TMEM131: variants seen among roughly 807,000 people sequenced by gnomAD.
TMEM131 encodes the protein 2610524E03Rik.
Under a neutral mutation model 211.6 loss-of-function variants are expected in TMEM131, and 66 were observed. The ratio of observed to expected loss-of-function variants is 0.31; its 90% CI spans 0.26 to 0.38. TMEM131 has a LOEUF of 0.38. Ranked by LOEUF, TMEM131 falls within the 10% of genes least tolerant of loss-of-function variation. The pLI, the probability that TMEM131 is intolerant of heterozygous loss-of-function variation, is 1.00. For missense variants in TMEM131, 2,036 were observed against 2,299.3 expected (o/e 0.89, Z 2.34); for synonymous variants, 844 against 841.3 (o/e 1.00, Z -0.06).
intron 4 of TMEM131, among the ~76,000 whole-genome samples, chr2:97,881,720 AAAAG>A: frequency 1.2e-5 from 1 of 80,780 alleles, no homozygotes; most frequent in Non-Finnish European, 2.2e-5. Flanking sequence ...AAAAAAAAAA[AAAAG>A]GGGGGGGGGC....
intron 2 of TMEM131, among the ~76,000 whole-genome samples, chr2:97,915,884 G>A (rs957971735): frequency 3.0e-4 from 45 of 151,732 alleles, no homozygotes; most frequent in Admixed American, 2.4e-3. Context: ...AGTATTCTGT[G>A]GTATTCTTTA....
chr2:97,848,129 G>C (rs1026163944), intron 5 of TMEM131, among the ~76,000 whole-genome samples: 12 of 152,146 alleles, frequency 7.9e-5, no homozygotes, highest in African/African-American at 2.4e-4. Context: ...AGAACATAGT[G>C]AAGAGTCCAA....
chr2:97,800,773 AAAAG>A (rs1222818465), intron 25 of TMEM131, among the ~76,000 whole-genome samples: 1 of 152,040 alleles, frequency 6.6e-6, no homozygotes, highest in Non-Finnish European at 1.5e-5. Flanking sequence ...AAAAAAAAGA[AAAAG>A]AAAAGCAGAA....
chr2:97,763,052 C>T (rs1365039881), intron 35 of TMEM131: 4 of 152,174 alleles, frequency 2.6e-5, no homozygotes, highest in Non-Finnish European at 2.9e-5. Context: ...GCACGATCCC[C>T]AGCCCAGGCC....
chr2:97,758,774 C>T, intron 40 of TMEM131, 119 bp downstream of exon 40: 1 of 1,322,502 alleles, frequency 7.6e-7, no homozygotes, highest in African/African-American at 1.5e-5. Context: ...TACTAACCCA[C>T]CCCTCTGATG....
chr2:97,805,044 C>A, intron 22 of TMEM131, 44 bp downstream of exon 22: 1 of 1,307,906 alleles, frequency 7.6e-7, no homozygotes, highest in South Asian at 1.5e-5. Context: ...TTTCAATAGT[C>A]ATCTTGTAAA....
At chr2:97,837,641 A>G (rs1057298458) in intron 7 of TMEM131, among the ~76,000 whole-genome samples, 5 of 152,224 alleles carry the variant, frequency 3.3e-5, no homozygotes, top group Admixed American at 3.3e-4. Flanking sequence ...ACTCTAATGG[A>G]ACATGAAAAT....
Position 97,897,999 on chromosome 2 carries a change from G to C in TMEM131, c.291-9879C>G, listed in dbSNP as rs141944091. 1.6e-3 allele frequency among the ~76,000 whole-genome samples: 239 copies of C among 151,972 alleles called. 2 individuals are homozygous for C. Among genetic ancestry groups the C allele is most frequent in the South Asian group, 3.5e-3 (17 of 4,814 alleles). On this transcript the variant is annotated intron_variant, in intron 3 of 40. Coordinates refer to ENST00000186436, the MANE Select transcript of TMEM131 (RefSeq NM_015348.2). ...TAAATTGCTGAATTTGAGAATGAAG[G>C]GATTCATAATTTCTCTTATTCTTTG...
chr2:97,841,466 T>C (rs1683188656), intron 7 of TMEM131, among the ~76,000 whole-genome samples: 2 of 152,192 alleles, frequency 1.3e-5, no homozygotes, highest in Non-Finnish European at 2.9e-5. Flanking sequence ...TTAAAAAACA[T>C]GGATATTGGG....
At chr2:97,902,532 T>C (rs1364219410) in intron 3 of TMEM131, among the ~76,000 whole-genome samples, 2 of 152,220 alleles carry the variant, frequency 1.3e-5, no homozygotes, top group East Asian at 1.9e-4. Flanking sequence ...AATATGTTTG[T>C]GTATACTGTA....
intron 1 of TMEM131, among the ~76,000 whole-genome samples, chr2:97,940,564 T>C (rs1677669796): frequency 6.6e-6 from 1 of 152,086 alleles, no homozygotes; most frequent in Admixed American, 6.5e-5. Context: ...ATCCCAGCAC[T>C]TTGGGAGGCC....
At chr2:97,783,727 A>C (rs1680119798) in intron 31 of TMEM131, among the ~76,000 whole-genome samples, 1 of 152,138 alleles carries the variant, frequency 6.6e-6, no homozygotes. Context: ...CAAAATAAAA[A>C]TAAAATGGTA....
chr2:97,840,923 A>C (rs1683165787), intron 7 of TMEM131, among the ~76,000 whole-genome samples: 1 of 152,194 alleles, frequency 6.6e-6, no homozygotes, highest in South Asian at 2.1e-4. Flanking sequence ...TCCCTGGTTC[A>C]TCCTCATTTC....
intron 3 of TMEM131, among the ~76,000 whole-genome samples, chr2:97,899,878 C>A (rs1348756652): frequency 6.6e-6 from 1 of 152,064 alleles, no homozygotes; most frequent in Non-Finnish European, 1.5e-5. Flanking sequence ...ACATAGTTGT[C>A]TTTTATGGTA....
intron 4 of TMEM131, among the ~76,000 whole-genome samples, chr2:97,885,019 C>A (rs1337651229): frequency 6.6e-6 from 1 of 152,222 alleles, no homozygotes; most frequent in Non-Finnish European, 1.5e-5. Context: ...TGGTTTTCCA[C>A]ATTGATACGG....
chr2:97,920,217 C>T (rs945781167), intron 2 of TMEM131, among the ~76,000 whole-genome samples: 1 of 152,178 alleles, frequency 6.6e-6, no homozygotes, highest in African/African-American at 2.4e-5. Flanking sequence ...CAGGCAGTAG[C>T]CCTCAATCTC....
chr2:97,892,117 C>T (rs1469279572), intron 3 of TMEM131, among the ~76,000 whole-genome samples: 1 of 152,272 alleles, frequency 6.6e-6, no homozygotes, highest in Middle Eastern at 3.4e-3. Flanking sequence ...TTTTAATTTG[C>T]ACTTCCCTAA....
chr2:97,904,183 A>T (rs1356296954), intron 3 of TMEM131, among the ~76,000 whole-genome samples: 1 of 152,326 alleles, frequency 6.6e-6, no homozygotes, highest in East Asian at 1.9e-4. Context: ...AAACAGCAGT[A>T]TGAGACAGTC....
At chr2:97,843,886 C>A (rs932099181) in intron 6 of TMEM131, among the ~76,000 whole-genome samples, 1 of 152,068 alleles carries the variant, frequency 6.6e-6, no homozygotes, top group Admixed American at 6.5e-5. Flanking sequence ...TTTTATAAGT[C>A]AGCATGAAAA....
Sources: gnomAD v4.1 joint callset for allele counts (sites outside exome capture counted in the v4.1 genomes callset) on GRCh38, gnomAD v4.1.1 for gene constraint, MANE v1.5 for transcripts, NCBI Gene and HGNC (gene_info 2026-07-23, HGNC 2026-07-21) for gene names.